NR2C2: variants seen among roughly 807,000 people sequenced by gnomAD.
The protein encoded by NR2C2 is nuclear receptor subfamily 2 group C member 2.
In NR2C2, 6 loss-of-function variants were observed where a neutral mutation model predicts 62.9. That is an observed-to-expected ratio of 0.10 (90% CI 0.05 to 0.19). The LOEUF (loss-of-function observed/expected upper bound fraction) is 0.19. Ranked by LOEUF, NR2C2 falls within the 10% of genes least tolerant of loss-of-function variation. NR2C2 has a pLI of 1.00. For synonymous variants in NR2C2, 272 were observed against 273.8 expected, an observed-to-expected ratio of 0.99 and a Z score of 0.07; for missense variants, 479 against 762.7, an observed-to-expected ratio of 0.63 and a Z score of 4.38.
intron 1 of NR2C2, among the ~76,000 whole-genome samples, chr3:14,980,192 C>A (rs868285637): frequency 6.6e-6 from 1 of 151,998 alleles, no homozygotes; most frequent in Non-Finnish European, 1.5e-5. Flanking sequence ...ACTCTGTCAC[C>A]TAGGCTGAAG....
chr3:14,955,250 T>C (rs75350271), intron 1 of NR2C2, among the ~76,000 whole-genome samples: 2,408 of 152,312 alleles, frequency 0.016, 65 homozygotes, highest in African/African-American at 0.054. Flanking sequence ...GGGAAGAATG[T>C]GTTCAAAGTT....
At chr3:15,001,360 G>C (rs2040996406) in intron 1 of NR2C2, among the ~76,000 whole-genome samples, 1 of 123,398 alleles carries the variant, frequency 8.1e-6, no homozygotes, top group African/African-American at 3.1e-5. Context: ...TGGAGACAGA[G>C]TTTCACTCAT....
At chr3:14,974,219 A>G (rs1443457192) in intron 1 of NR2C2, among the ~76,000 whole-genome samples, 1 of 152,168 alleles carries the variant, frequency 6.6e-6, no homozygotes, top group Non-Finnish European at 1.5e-5. Context: ...ACTTAGCATA[A>G]TATCCTCCCG....
At chr3:15,033,225 T>C (rs2042023782) in intron 10 of NR2C2, among the ~76,000 whole-genome samples, 1 of 152,222 alleles carries the variant, frequency 6.6e-6, no homozygotes, top group African/African-American at 2.4e-5. Flanking sequence ...GTCTAGTAGT[T>C]GACACTATTG....
intron 1 of NR2C2, among the ~76,000 whole-genome samples, chr3:14,957,518 A>T (rs1005500093): frequency 6.6e-6 from 1 of 152,244 alleles, no homozygotes; most frequent in Non-Finnish European, 1.5e-5. Flanking sequence ...AGAATTTCTT[A>T]TAAAACCTGT....
At chr3:14,972,070 A>G (rs1347356105) in intron 1 of NR2C2, among the ~76,000 whole-genome samples, 2 of 151,772 alleles carry the variant, frequency 1.3e-5, no homozygotes, top group East Asian at 1.9e-4. Flanking sequence ...TGGCCTCCCA[A>G]AGTGCTTGGG....
chr3:14,953,887 T>G (rs553830087), intron 1 of NR2C2, among the ~76,000 whole-genome samples: 20 of 143,214 alleles, frequency 1.4e-4, no homozygotes, highest in Non-Finnish European at 2.5e-4. Flanking sequence ...AGTGCGAGAC[T>G]TCATCTCAAA....
chr3:15,029,792 A>ATAG (rs1553571907), intron 8 of NR2C2, among the ~76,000 whole-genome samples: 2 of 139,194 alleles, frequency 1.4e-5, no homozygotes, highest in South Asian at 2.3e-4. Flanking sequence ...GTAAATAAAT[A>ATAG]ATAGATAGAT....
At chr3:15,037,361 C>T (rs2042134706) in intron 11 of NR2C2, among the ~76,000 whole-genome samples, 1 of 152,024 alleles carries the variant, frequency 6.6e-6, no homozygotes, top group South Asian at 2.1e-4. Flanking sequence ...GCACGAGCCA[C>T]CACAACTGGC....
chr3:15,024,221 A>G lies in NR2C2; in HGVS notation c.798+13A>G, dbSNP rs1559299995. The G allele has an allele frequency of 7.7e-6, 12 of 1,562,742 alleles. No individual in the cohort carries two copies. The highest frequency in any genetic ancestry group is 1.0e-5 in the Non-Finnish European group (12 of 1,143,086). ...CACGGATTCTAAGGTGACGTTCTCTACTCATGCTCTCTCTCATCCTTTATG... is the reference window on the plus strand; with the variant it reads ...CACGGATTCTAAGGTGACGTTCTCTGCTCATGCTCTCTCTCATCCTTTATG... On this transcript the variant is annotated intron_variant, in intron 7 of 13. Transcript: ENST00000425241.
Position 15,043,570 on chromosome 3 carries a change from A to C in NR2C2, c.*562A>C, listed in dbSNP as rs1292999168. The C allele has an allele frequency of 6.5e-6, 1 of 152,714 alleles. No homozygotes were observed. Among genetic ancestry groups the C allele is most frequent in the Non-Finnish European group, 1.5e-5 (1 of 68,046 alleles). 9.5% of individuals were successfully genotyped at this position (152,714 alleles called of 1,614,324 possible). ...TACAGGAGACAATCATTTATGTTTAAGAAAAGAAGGCATCATTCCTAATTG... is the reference window on the plus strand; with the variant it reads ...TACAGGAGACAATCATTTATGTTTACGAAAAGAAGGCATCATTCCTAATTG... On this transcript the variant is annotated 3_prime_UTR_variant, in exon 14 of 14. Coordinates refer to ENST00000425241, the MANE Select transcript of NR2C2 (RefSeq NM_001291694.2).
At chr3:14,961,253 T>A (rs1350104575) in intron 1 of NR2C2, among the ~76,000 whole-genome samples, 2 of 152,194 alleles carry the variant, frequency 1.3e-5, no homozygotes, top group African/African-American at 4.8e-5. Context: ...GGCTATCTAA[T>A]AATAAATAGA....
chr3:15,036,859 C>G (rs146435213), intron 11 of NR2C2, among the ~76,000 whole-genome samples: 13,978 of 152,182 alleles, frequency 0.092, 806 homozygotes, highest in South Asian at 0.13. Context: ...TGGTGGCTTA[C>G]GCCTGTAATC....
chr3:14,985,777 A>G (rs1202846443), intron 1 of NR2C2, among the ~76,000 whole-genome samples: 4 of 152,156 alleles, frequency 2.6e-5, no homozygotes, highest in East Asian at 3.8e-4. Context: ...TTCCAATTAG[A>G]TGCACATTTA....
intron 1 of NR2C2, among the ~76,000 whole-genome samples, chr3:14,962,818 C>A (rs2039725849): frequency 6.6e-6 from 1 of 151,958 alleles, no homozygotes; most frequent in African/African-American, 2.4e-5. Context: ...ACGCTTGATT[C>A]TTCGTTAATA....
intron 7 of NR2C2, among the ~76,000 whole-genome samples, chr3:15,028,013 C>A (rs925611433): frequency 6.6e-5 from 10 of 152,128 alleles, no homozygotes; most frequent in Admixed American, 2.0e-4. Context: ...CACCTGCCAC[C>A]ATGCCTGGCT....
intron 6 of NR2C2, 70 bp downstream of exon 6, chr3:15,023,417 AG>A: frequency 6.4e-7 from 1 of 1,563,728 alleles, no homozygotes; most frequent in Non-Finnish European, 8.7e-7. Context: ...GTCCCACAGC[AG>A]GCACTGTTGT....
At chr3:14,969,118 CTAAAACT>C (rs893518444) in intron 1 of NR2C2, among the ~76,000 whole-genome samples, 1 of 149,446 alleles carries the variant, frequency 6.7e-6, no homozygotes, top group African/African-American at 2.5e-5. Context: ...CACATGTACC[CTAAAACT>C]TAAAGTATAG....
At position 15,047,139 on chromosome 3, in the gene NR2C2, T is replaced by C. The variant is rs999140577; in HGVS notation, c.*4131T>C. 1.3e-5 allele frequency: 2 copies of C among 152,688 alleles called. No homozygotes were observed. The highest frequency in any genetic ancestry group is 4.1e-4 in the South Asian group (2 of 4,834). 9.5% of individuals were successfully genotyped at this position (152,688 alleles called of 1,614,324 possible). On this transcript the variant is annotated 3_prime_UTR_variant, in exon 14 of 14. Transcript: ENST00000425241. ...TAGATGTATATTATGTATACAGACA[T>C]GTATCCAAACTTTCCTTTAAAGAGA...
Sources: allele counts gnomAD v4.1 joint callset (sites outside exome capture counted in the v4.1 genomes callset), GRCh38; gene constraint gnomAD v4.1.1; transcripts MANE v1.5; gene names NCBI Gene and HGNC (gene_info 2026-07-23, HGNC 2026-07-21).